Variants in RBMS3 observed in about 807,000 individuals in gnomAD.
The protein encoded by RBMS3 is RNA-binding motif, single-stranded-interacting protein 3.
A neutral mutation model predicts 66.8 loss-of-function variants in RBMS3; 27 were observed. The ratio of observed to expected loss-of-function variants is 0.40; its 90% CI spans 0.30 to 0.56. The LOEUF is 0.56. RBMS3 is among the 20% of genes least tolerant of loss of function. The probability of loss-of-function intolerance (pLI) is 0.40; values close to 1 mark genes in which losing one functional copy is unlikely to be tolerated. For missense variants in RBMS3, 513 were observed against 549.5 expected, an observed-to-expected ratio of 0.93 and a Z score of 0.66; for synonymous variants, 188 against 183.0, an observed-to-expected ratio of 1.03 and a Z score of -0.22.
chr3:29,888,078 A>G (rs1307524667), intron 8 of RBMS3, among the ~76,000 whole-genome samples: 1 of 151,724 alleles, frequency 6.6e-6, no homozygotes, highest in East Asian at 1.9e-4. Context: ...TGCTGCAGGT[A>G]CATCCGTTAA....
intron 4 of RBMS3, among the ~76,000 whole-genome samples, chr3:29,626,754 T>C (rs1471312641): frequency 1.3e-5 from 2 of 152,084 alleles, no homozygotes; most frequent in Admixed American, 6.6e-5. Context: ...ATATAGTAAA[T>C]AGAACAAGGA....
intron 12 of RBMS3, among the ~76,000 whole-genome samples, chr3:29,967,442 T>A (rs557423141): frequency 1.4e-4 from 21 of 152,092 alleles, no homozygotes; most frequent in Non-Finnish European, 2.4e-4. Flanking sequence ...AATACAGGTG[T>A]GTGTCACCAT....
intron 12 of RBMS3, among the ~76,000 whole-genome samples, chr3:29,951,222 GAGA>G (rs1297216829): frequency 4.0e-5 from 6 of 151,830 alleles, no homozygotes; most frequent in Admixed American, 2.6e-4. Flanking sequence ...AACATCTTAG[GAGA>G]AGGACAAAAT....
At chr3:29,795,227 G>A (rs1553670566) in intron 6 of RBMS3, among the ~76,000 whole-genome samples, 1 of 152,180 alleles carries the variant, frequency 6.6e-6, no homozygotes, top group Non-Finnish European at 1.5e-5. Flanking sequence ...GATTTCCTGG[G>A]AAAGGACAGA....
rs182933474 is a variant in RBMS3 at position 29,602,833 on chromosome 3, C to T, written c.399+15628C>T. Reference sequence around the variant, plus strand: ...ATGATTATAACCTATTGCTTGCATTCATTGATTTTCTACAGAGTATCCAGA... The same window carrying T: ...ATGATTATAACCTATTGCTTGCATTTATTGATTTTCTACAGAGTATCCAGA... On this transcript the variant is annotated intron_variant, in intron 4 of 14. Transcript: ENST00000383767. Among the ~76,000 whole-genome samples the T allele has an allele frequency of 1.7e-3, 252 of 152,012 alleles. 1 individual carries two copies. Among genetic ancestry groups the T allele is most frequent in the Admixed American group, 6.8e-3 (103 of 15,240 alleles).
chr3:29,551,511 AT>A (rs753379546), intron 3 of RBMS3, among the ~76,000 whole-genome samples: 4 of 152,214 alleles, frequency 2.6e-5, no homozygotes, highest in Non-Finnish European at 4.4e-5. Flanking sequence ...TGCTTTAAAA[AT>A]TAGAAAAATA....
intron 6 of RBMS3, among the ~76,000 whole-genome samples, chr3:29,794,967 T>G (rs2057134185): frequency 6.6e-6 from 1 of 152,328 alleles, no homozygotes; most frequent in South Asian, 2.1e-4. Flanking sequence ...CATTCTCAAC[T>G]CATCAGTACT....
chr3:29,907,679 A>T (rs1011878713), intron 10 of RBMS3, among the ~76,000 whole-genome samples: 3 of 152,110 alleles, frequency 2.0e-5, no homozygotes, highest in Non-Finnish European at 4.4e-5. Flanking sequence ...TTTTATTAAT[A>T]AAATTAGTAA....
At chr3:29,473,544 G>T (rs78330725) in intron 2 of RBMS3, among the ~76,000 whole-genome samples, 3 of 152,328 alleles carry the variant, frequency 2.0e-5, no homozygotes, top group African/African-American at 7.2e-5. Context: ...ACTGGGCGCC[G>T]TGGAACCAGG....
intron 1 of RBMS3, among the ~76,000 whole-genome samples, chr3:29,308,941 G>C (rs1450851239): frequency 1.3e-5 from 2 of 151,652 alleles, no homozygotes; most frequent in African/African-American, 4.8e-5. Context: ...ATCTAACAAT[G>C]ATTTCAAGCT....
intron 1 of RBMS3, among the ~76,000 whole-genome samples, chr3:29,391,938 A>T (rs2039316343): frequency 6.6e-6 from 1 of 152,200 alleles, no homozygotes; most frequent in African/African-American, 2.4e-5. Flanking sequence ...TATAGCCATG[A>T]TAAATAAAGT....
chr3:29,628,616 A>T (rs1032170670), intron 4 of RBMS3, among the ~76,000 whole-genome samples: 2 of 152,142 alleles, frequency 1.3e-5, no homozygotes, highest in African/African-American at 4.8e-5. Context: ...TACATGTACC[A>T]TTATATATGT....
chr3:29,419,055 A>G (rs1473097910), intron 1 of RBMS3, among the ~76,000 whole-genome samples: 1 of 152,190 alleles, frequency 6.6e-6, no homozygotes, highest in Non-Finnish European at 1.5e-5. Context: ...TTACAGTAAA[A>G]TAACTGGACA....
At position 29,893,886 on chromosome 3, in the gene RBMS3, T is replaced by C. The variant is rs1354811355; in HGVS notation, c.792-3493T>C. On this transcript the variant is annotated intron_variant, in intron 8 of 14. Transcript: ENST00000383767. ...GATCTTCCTGTATGGTAATCACTAC[T>C]GAATTCCATAAGCTGCTCTGCATTT... Among the ~76,000 whole-genome samples the C allele has an allele frequency of 4.6e-4, 70 of 151,538 alleles. 1 individual carries two copies. The highest frequency in any genetic ancestry group is 1.2e-4 in the African/African-American group (5 of 41,350).
rs747816074 is a variant in RBMS3 at position 30,008,843 on chromosome 3, A to G, written c.*4981A>G. 2.0e-5 allele frequency: 3 copies of G among 152,088 alleles called. No individual in the cohort carries two copies. Among genetic ancestry groups the G allele is most frequent in the Admixed American group, 6.6e-5 (1 of 15,260 alleles). The allele number at this position is 152,088 out of a possible 1,614,324, so 9.4% of individuals were successfully genotyped here. On this transcript the variant is annotated 3_prime_UTR_variant, in exon 15 of 15. Coordinates refer to ENST00000383767, the MANE Select transcript of RBMS3 (RefSeq NM_001003793.3). ...GTCATGGCTGTCCTTTGCGGATTAC[A>G]TAGCATTCAGGAAAGTACAAAAACT... is the stretch of plus-strand genomic sequence containing the variant.
intron 12 of RBMS3, among the ~76,000 whole-genome samples, chr3:29,987,432 T>C (rs1045719248): frequency 1.3e-5 from 2 of 152,196 alleles, no homozygotes; most frequent in Non-Finnish European, 2.9e-5. Flanking sequence ...ACATAATTTA[T>C]TGACTACTAC....
intron 2 of RBMS3, among the ~76,000 whole-genome samples, chr3:29,483,990 G>C (rs935187865): frequency 6.6e-6 from 1 of 152,192 alleles, no homozygotes; most frequent in Non-Finnish European, 1.5e-5. Flanking sequence ...ACACTGCCCA[G>C]ATTACAAGAC....
chr3:29,785,593 T>C (rs1275072047), intron 6 of RBMS3, among the ~76,000 whole-genome samples: 1 of 151,808 alleles, frequency 6.6e-6, no homozygotes, highest in Non-Finnish European at 1.5e-5. Context: ...AAAGCAAAAA[T>C]CACATGATCA....
intron 14 of RBMS3, among the ~76,000 whole-genome samples, chr3:29,998,292 C>T (rs1699383488): frequency 1.3e-5 from 2 of 152,150 alleles, no homozygotes; most frequent in Non-Finnish European, 2.9e-5. Context: ...AAGAACATTC[C>T]ATGCTCATGG....
Sources: allele counts gnomAD v4.1 joint callset (sites outside exome capture counted in the v4.1 genomes callset), GRCh38; gene constraint gnomAD v4.1.1; transcripts MANE v1.5; gene names NCBI Gene and HGNC (gene_info 2026-07-23, HGNC 2026-07-21).